The following NAV3 variants were observed in gnomAD, a reference collection of about 807,000 sequenced individuals.
NAV3 encodes neuron navigator 3.
NAV3 carries 87 observed loss-of-function variants against 244.7 expected under a neutral mutation model. That is an observed-to-expected ratio of 0.36 (90% CI 0.30 to 0.42). The LOEUF is 0.42. NAV3 is among the 20% of genes least tolerant of loss of function. The pLI, the probability that NAV3 is intolerant of heterozygous loss-of-function variation, is 1.00. For missense variants in NAV3, 2,663 were observed against 2,893.3 expected (o/e 0.92, Z 1.83); for synonymous variants, 1,126 against 1,042.2 (o/e 1.08, Z -1.55).
chr12:77,967,285 A>C (rs909295854), intron 4 of NAV3, among the ~76,000 whole-genome samples: 1 of 152,100 alleles, frequency 6.6e-6, no homozygotes, highest in Non-Finnish European at 1.5e-5. Flanking sequence ...TTAGTTAAAC[A>C]TGCAAAATAA....
chr12:78,187,660 A>G (rs982676939), intron 31 of NAV3, among the ~76,000 whole-genome samples: 10 of 151,960 alleles, frequency 6.6e-5, no homozygotes, highest in South Asian at 4.1e-4. Flanking sequence ...TTTTAAATAG[A>G]GAATTTCTGA....
At chr12:78,083,413 C>T (rs75466542) in intron 12 of NAV3, among the ~76,000 whole-genome samples, 1,973 of 152,286 alleles carry the variant, frequency 0.013, 43 homozygotes, top group African/African-American at 0.045. Context: ...TTCCTACCAT[C>T]AATATAGACC....
chr12:77,741,135 G>GAAAAAAA (rs71088333), intron 2 of NAV3, among the ~76,000 whole-genome samples: 4 of 60,748 alleles, frequency 6.6e-5, no homozygotes, highest in African/African-American at 9.4e-5. Context: ...AATAGTCAAA[G>GAAAAAAA]AAAAAAAAAA....
intron 2 of NAV3, among the ~76,000 whole-genome samples, chr12:77,660,078 G>A (rs767172442): frequency 4.0e-5 from 6 of 151,730 alleles, no homozygotes; most frequent in Non-Finnish European, 8.8e-5. Context: ...CCTGCACATT[G>A]TGCACATGTA....
intron 3 of NAV3, among the ~76,000 whole-genome samples, chr12:77,957,941 C>T (rs1891524082): frequency 6.6e-6 from 1 of 152,168 alleles, no homozygotes. Context: ...GCTGGGATTA[C>T]AGGCGTGAGC....
At chr12:77,909,595 T>G (rs1349014530) in intron 1 of NAV3, among the ~76,000 whole-genome samples, 2 of 152,086 alleles carry the variant, frequency 1.3e-5, no homozygotes, top group Non-Finnish European at 2.9e-5. Context: ...AACATACTTT[T>G]GTCTTTTAAA....
intron 2 of NAV3, among the ~76,000 whole-genome samples, chr12:77,697,451 CTCTT>C (rs754306215): frequency 6.6e-6 from 1 of 152,196 alleles, no homozygotes; most frequent in Non-Finnish European, 1.5e-5. Flanking sequence ...TGCTTAATCT[CTCTT>C]TCTCAATTTT....
intron 2 of NAV3, among the ~76,000 whole-genome samples, chr12:77,644,174 G>T (rs1872528146): frequency 6.6e-6 from 1 of 151,990 alleles, no homozygotes; most frequent in African/African-American, 2.4e-5. Flanking sequence ...CAATTCTTGG[G>T]GCTCCATGAG....
chr12:77,740,193 C>A (rs1226966951), intron 2 of NAV3, among the ~76,000 whole-genome samples: 1 of 152,042 alleles, frequency 6.6e-6, no homozygotes, highest in Non-Finnish European at 1.5e-5. Flanking sequence ...ATACCCTTAC[C>A]ATTTATTACA....
At chr12:77,960,646 A>G (rs1891819403) in intron 3 of NAV3, among the ~76,000 whole-genome samples, 1 of 148,148 alleles carries the variant, frequency 6.8e-6, no homozygotes, top group Non-Finnish European at 1.5e-5. Flanking sequence ...CAATGTTTAT[A>G]CATATTAGCA....
chr12:77,953,530 A>G (rs141018987), intron 3 of NAV3, among the ~76,000 whole-genome samples: 334 of 152,336 alleles, frequency 2.2e-3, no homozygotes, highest in African/African-American at 7.3e-3. Context: ...GACCTAATTA[A>G]TAAACGTACT....
intron 1 of NAV3, among the ~76,000 whole-genome samples, chr12:77,883,806 T>C (rs1882961330): frequency 6.6e-6 from 1 of 152,160 alleles, no homozygotes; most frequent in Non-Finnish European, 1.5e-5. Flanking sequence ...TATTGGTTTT[T>C]CTGTTTTTCT....
chr12:77,984,919 C>T (rs1617905), intron 5 of NAV3, among the ~76,000 whole-genome samples: 81,552 of 151,872 alleles, frequency 0.54, 22,672 homozygotes, highest in East Asian at 0.72. Flanking sequence ...TGGGTTCAAG[C>T]GATTCTCCTG....
intron 4 of NAV3, among the ~76,000 whole-genome samples, chr12:77,967,286 T>G (rs1288744714): frequency 6.6e-6 from 1 of 152,070 alleles, no homozygotes. Flanking sequence ...TAGTTAAACA[T>G]GCAAAATAAT....
rs960772661 is a variant in NAV3 at position 77,819,478 on chromosome 12, A to G, written c.73-120841A>G. 4.0e-5 allele frequency among the ~76,000 whole-genome samples: 6 copies of G among 151,660 alleles called. No homozygotes were observed. The East Asian group carries it at 5.8e-4, about 15-fold the overall frequency. On this transcript the variant is annotated intron_variant, in intron 2 of 8. Transcript: ENST00000550042. ...TTCTCATTTCTTTGAAGTTTGTGAAACTTCTTCAATTCACTAAAATGTAGC... is the reference window on the plus strand; with the variant it reads ...TTCTCATTTCTTTGAAGTTTGTGAAGCTTCTTCAATTCACTAAAATGTAGC...
intron 2 of NAV3, among the ~76,000 whole-genome samples, chr12:77,817,971 A>G (rs1175533117): frequency 1.3e-5 from 2 of 152,158 alleles, no homozygotes; most frequent in Non-Finnish European, 2.9e-5. Flanking sequence ...ACTTTGTGCT[A>G]TTGAGATAGT....
chr12:78,113,708 C>A (rs1277600773), intron 12 of NAV3, among the ~76,000 whole-genome samples: 1 of 152,192 alleles, frequency 6.6e-6, no homozygotes. Flanking sequence ...TGCCACAAAA[C>A]TGTCTGACAT....
intron 2 of NAV3, among the ~76,000 whole-genome samples, chr12:77,692,932 A>C (rs995841814): frequency 6.6e-6 from 1 of 152,170 alleles, no homozygotes; most frequent in African/African-American, 2.4e-5. Context: ...GAGATCAGTG[A>C]AAGCTTCCCT....
At chr12:77,961,391 TTATA>T (rs1247008456) in intron 3 of NAV3, among the ~76,000 whole-genome samples, 17 of 61,250 alleles carry the variant, frequency 2.8e-4, no homozygotes, top group African/African-American at 6.4e-4. Context: ...TATAAATACA[TTATA>T]TATTTAGTAT....
Sources: allele counts gnomAD v4.1 joint callset (sites outside exome capture counted in the v4.1 genomes callset), GRCh38; gene constraint gnomAD v4.1.1; transcripts MANE v1.5; gene names NCBI Gene and HGNC (gene_info 2026-07-23, HGNC 2026-07-21).